EPC2: variants seen among roughly 807,000 people sequenced by gnomAD.
The protein encoded by EPC2 is enhancer of polycomb 2.
In EPC2, 14 loss-of-function variants were observed where a neutral mutation model predicts 92.1. That is an observed-to-expected ratio of 0.15 (90% CI 0.10 to 0.24). EPC2 has a LOEUF of 0.24. EPC2 is among the 10% of genes least tolerant of loss of function. The pLI, the probability that EPC2 is intolerant of heterozygous loss-of-function variation, is 1.00. For synonymous variants in EPC2, 340 were observed against 334.7 expected (o/e 1.02, Z -0.17); for missense variants, 755 against 971.5 (o/e 0.78, Z 2.96).
intron 2 of EPC2, among the ~76,000 whole-genome samples, chr2:148,691,162 A>G (rs1004706165): frequency 2.6e-5 from 4 of 152,132 alleles, no homozygotes; most frequent in African/African-American, 9.7e-5. Flanking sequence ...ACTTTTAACA[A>G]TCTCCTGTTA....
At chr2:148,704,148 G>GT (rs1324512168) in intron 2 of EPC2, among the ~76,000 whole-genome samples, 1 of 152,216 alleles carries the variant, frequency 6.6e-6, no homozygotes, top group East Asian at 1.9e-4. Context: ...ATTAATACAG[G>GT]TATTCATCAC....
chr2:148,681,977 T>A (rs1044543712), intron 1 of EPC2, among the ~76,000 whole-genome samples: 3 of 152,128 alleles, frequency 2.0e-5, no homozygotes, highest in African/African-American at 7.2e-5. Flanking sequence ...CGGTGTTTGG[T>A]TTTTTGTCCT....
intron 2 of EPC2, among the ~76,000 whole-genome samples, chr2:148,742,348 G>A (rs145895770): frequency 9.8e-4 from 150 of 152,298 alleles, no homozygotes; most frequent in African/African-American, 3.5e-3. Context: ...TTCTAGAGTA[G>A]CATATTATCA....
chr2:148,683,253 C>T (rs1297694198), intron 1 of EPC2, among the ~76,000 whole-genome samples: 3 of 151,634 alleles, frequency 2.0e-5, no homozygotes, highest in African/African-American at 2.4e-5. Context: ...CCTGCCAAGT[C>T]TCCAAAGTCC....
At chr2:148,695,520 T>G (rs1681728997) in intron 2 of EPC2, among the ~76,000 whole-genome samples, 1 of 152,178 alleles carries the variant, frequency 6.6e-6, no homozygotes, top group Non-Finnish European at 1.5e-5. Context: ...TACCACTAGG[T>G]TTTTCAGCAT....
chr2:148,646,006 A>G (rs141112312), intron 1 of EPC2, among the ~76,000 whole-genome samples: 78 of 152,322 alleles, frequency 5.1e-4, no homozygotes, highest in African/African-American at 1.8e-3. Context: ...ACCTTTTGGG[A>G]AAATTGCTGC....
intron 2 of EPC2, among the ~76,000 whole-genome samples, chr2:148,724,595 G>A (rs1331538620): frequency 2.6e-5 from 4 of 152,068 alleles, no homozygotes; most frequent in African/African-American, 9.7e-5. Flanking sequence ...GAATATTGTA[G>A]CTTATTCATT....
intron 1 of EPC2, among the ~76,000 whole-genome samples, chr2:148,676,961 A>G (rs112675179): frequency 6.6e-6 from 1 of 151,840 alleles, no homozygotes; most frequent in East Asian, 1.9e-4. Flanking sequence ...CCTGTGCTTG[A>G]GTTTAGTTAT....
At chr2:148,777,139 C>T (rs1469142541) in intron 10 of EPC2, among the ~76,000 whole-genome samples, 5 of 151,450 alleles carry the variant, frequency 3.3e-5, no homozygotes, top group Admixed American at 1.3e-4. Flanking sequence ...GGATTACAGA[C>T]GTGAGCCACT....
At chr2:148,776,856 CTTTTT>C (rs56073706) in intron 10 of EPC2, among the ~76,000 whole-genome samples, 1,361 of 101,018 alleles carry the variant, frequency 0.013, 37 homozygotes, top group African/African-American at 0.046. Context: ...GTCTCTCTCT[CTTTTT>C]TTTTTTTTTT....
chr2:148,706,810 T>C (rs1682009218), intron 2 of EPC2, among the ~76,000 whole-genome samples: 2 of 152,158 alleles, frequency 1.3e-5, no homozygotes. Flanking sequence ...GAGATTTTTG[T>C]CACCACCAGG....
intron 3 of EPC2, among the ~76,000 whole-genome samples, chr2:148,752,329 C>T (rs1340934248): frequency 6.6e-6 from 1 of 152,120 alleles, no homozygotes; most frequent in African/African-American, 2.4e-5. Context: ...GTGTTGCTGT[C>T]AGTACAAGGT....
At position 148,784,983 on chromosome 2, in the gene EPC2, C is replaced by T; in HGVS notation, c.2333C>T (p.Ala778Val). ...GTGCCAAAGGTTACTCCCAGCAGTG[C>T]CATCAGCAGCATAGCAAGGTGTGTG... ...DRVPKVTPSS[A>V]ISSIARENHE... Residue 778 changes from alanine to valine, a missense_variant, in exon 13 of 14, where the codon GCC becomes GTC. Around this residue, in one of 4 missense-constraint regions of EPC2, gnomAD observed 207 missense variants for 260.5 expected, o/e 0.79. Transcript: ENST00000258484. 1 of 1,520,584 alleles carries T rather than the reference C, an allele frequency of 6.6e-7. No individual in the cohort carries two copies. The highest frequency in any genetic ancestry group is 8.8e-7 in the Non-Finnish European group (1 of 1,132,798). The allele number at this position is 1,520,584 out of a possible 1,614,324, so 94.2% of individuals were successfully genotyped here. A position where few individuals can be genotyped will look rare whatever the true frequency, so the allele number is the denominator to read the frequency against.
At chr2:148,677,755 A>G (rs574979505) in intron 1 of EPC2, among the ~76,000 whole-genome samples, 14 of 151,986 alleles carry the variant, frequency 9.2e-5, no homozygotes, top group African/African-American at 2.9e-4. Flanking sequence ...TCGCTGGCTC[A>G]GGAGTGAAGC....
chr2:148,651,136 G>GTAA (rs1364852774), intron 1 of EPC2, among the ~76,000 whole-genome samples: 1 of 152,144 alleles, frequency 6.6e-6, no homozygotes, highest in Non-Finnish European at 1.5e-5. Flanking sequence ...GGAGAGAGGC[G>GTAA]TAACAATTTG....
intron 2 of EPC2, among the ~76,000 whole-genome samples, chr2:148,713,276 C>T (rs1248311978): frequency 6.6e-6 from 1 of 152,022 alleles, no homozygotes; most frequent in Non-Finnish European, 1.5e-5. Context: ...ACATGGAAGA[C>T]AGTGATAATG....
intron 4 of EPC2, among the ~76,000 whole-genome samples, chr2:148,759,516 TAAAG>T (rs1683260085): frequency 6.6e-6 from 1 of 152,206 alleles, no homozygotes; most frequent in South Asian, 2.1e-4. Flanking sequence ...TTTATATGTA[TAAAG>T]AAATTAAGTA....
chr2:148,769,808 A>G (rs1373296225), intron 8 of EPC2, among the ~76,000 whole-genome samples: 1 of 152,144 alleles, frequency 6.6e-6, no homozygotes, highest in Non-Finnish European at 1.5e-5. Flanking sequence ...CATTGTGAGG[A>G]TGGCTTTGAC....
intron 1 of EPC2, among the ~76,000 whole-genome samples, chr2:148,679,484 T>C (rs760955016): frequency 4.6e-5 from 7 of 152,112 alleles, no homozygotes; most frequent in Non-Finnish European, 8.8e-5. Flanking sequence ...CAAGGTGACA[T>C]TGTATATTTC....
Sources: allele counts gnomAD v4.1 joint callset (sites outside exome capture counted in the v4.1 genomes callset), GRCh38; gene constraint gnomAD v4.1.1; regional missense constraint gnomAD v4.1.1; transcripts MANE v1.5; gene names NCBI Gene and HGNC (gene_info 2026-07-23, HGNC 2026-07-21).